CSMD1: variants seen among roughly 807,000 people sequenced by gnomAD.
The protein encoded by CSMD1 is CUB and sushi domain-containing protein 1.
A neutral mutation model predicts 417.5 loss-of-function variants in CSMD1; 213 were observed. The ratio of observed to expected loss-of-function variants is 0.51; its 90% CI spans 0.46 to 0.57. The LOEUF is 0.57. CSMD1 is among the 20% of genes least tolerant of loss of function. CSMD1 has a pLI of 0.00. For synonymous variants in CSMD1, 2,862 were observed against 1,736.8 expected (o/e 1.65, Z -16.11); for missense variants, 6,923 against 4,529.7 (o/e 1.53, Z -15.17).
chr8:3,862,388 T>C (rs945337206), intron 5 of CSMD1, among the ~76,000 whole-genome samples: 1 of 131,216 alleles, frequency 7.6e-6, no homozygotes, highest in African/African-American at 3.6e-5. Context: ...CCCTTTCATT[T>C]TCTCTTCCTG....
intron 2 of CSMD1, among the ~76,000 whole-genome samples, chr8:4,437,311 GA>G (rs969094987): frequency 1.7e-4 from 26 of 151,902 alleles, no homozygotes; most frequent in Admixed American, 2.6e-4. Flanking sequence ...TAGTTTGAGA[GA>G]AAAAAAATAA....
At chr8:4,168,885 A>G (rs941479845) in intron 3 of CSMD1, among the ~76,000 whole-genome samples, 4 of 152,122 alleles carry the variant, frequency 2.6e-5, no homozygotes, top group Non-Finnish European at 4.4e-5. Context: ...TGATGATATC[A>G]GGACTGCTTA....
At chr8:4,745,886 G>A (rs1810918728) in intron 1 of CSMD1, among the ~76,000 whole-genome samples, 1 of 152,170 alleles carries the variant, frequency 6.6e-6, no homozygotes, top group Admixed American at 6.5e-5. Flanking sequence ...GCTTGATCCA[G>A]GCTCAGCCAC....
intron 3 of CSMD1, among the ~76,000 whole-genome samples, chr8:4,379,548 A>G (rs1802968087): frequency 1.3e-5 from 2 of 152,178 alleles, no homozygotes; most frequent in South Asian, 4.1e-4. Context: ...TGTCTGTATT[A>G]TTTTTGCAAT....
rs553973481 is a variant in CSMD1, at chr8:4,968,007, C to A, written c.85+26325G>T. Among the ~76,000 whole-genome samples, 4 of 152,126 alleles carry A rather than the reference C, an allele frequency of 2.6e-5. No homozygotes were observed. In the South Asian group the frequency reaches 6.2e-4, roughly 24 times the overall value. On this transcript the variant is annotated intron_variant, in intron 1 of 69. Coordinates refer to ENST00000635120, the MANE Select transcript of CSMD1 (RefSeq NM_033225.6). ...CATGGTCAGAGATTCAAATTGGCAT[C>A]ATTTTATATAATTGAATCTGACAAA...
At chr8:3,971,423 T>G (rs551491663) in intron 5 of CSMD1, among the ~76,000 whole-genome samples, 2 of 152,306 alleles carry the variant, frequency 1.3e-5, no homozygotes, top group South Asian at 4.1e-4. Context: ...AATATATTTT[T>G]TGGCCCTCTC....
chr8:4,498,218 G>A (rs949243418), intron 2 of CSMD1, among the ~76,000 whole-genome samples: 5 of 152,174 alleles, frequency 3.3e-5, no homozygotes, highest in African/African-American at 1.2e-4. Flanking sequence ...GTTGAACGAT[G>A]ATTGTTGGCT....
At chr8:4,126,613 T>A (rs1802780089) in intron 3 of CSMD1, among the ~76,000 whole-genome samples, 1 of 152,198 alleles carries the variant, frequency 6.6e-6, no homozygotes, top group East Asian at 1.9e-4. Flanking sequence ...CAATTTATAC[T>A]GCACATGTCC....
intron 2 of CSMD1, among the ~76,000 whole-genome samples, chr8:4,595,616 G>T (rs945003094): frequency 6.6e-6 from 1 of 152,056 alleles, no homozygotes; most frequent in Admixed American, 6.6e-5. Context: ...AGTATAACCA[G>T]TGAAGCTGGG....
At chr8:4,647,490 G>A (rs1030985686) in intron 1 of CSMD1, among the ~76,000 whole-genome samples, 2 of 147,570 alleles carry the variant, frequency 1.4e-5, no homozygotes, top group African/African-American at 2.7e-5. Flanking sequence ...GTGCCATGGT[G>A]GTTTGTTACG....
At chr8:3,022,723 A>C (rs573785117) in intron 51 of CSMD1, among the ~76,000 whole-genome samples, 19 of 152,032 alleles carry the variant, frequency 1.2e-4, no homozygotes, top group African/African-American at 4.6e-4. Flanking sequence ...ACCTCCATGA[A>C]GAATAAACAG....
In CSMD1 at chr8:3,427,065, C is replaced by G. The variant is rs2897376; in HGVS notation, c.1562-17460G>C. 3.9e-5 allele frequency among the ~76,000 whole-genome samples: 6 copies of G among 152,186 alleles called. No homozygotes were observed. In the South Asian group the frequency reaches 1.2e-3, roughly 32 times the overall value. On this transcript the variant is annotated intron_variant, in intron 12 of 69. Transcript: ENST00000635120. ...TCTCATGAGAACTCACTCACTATCA[C>G]GACAGCAGCATAGTGGAAACCATCC... is the stretch of plus-strand genomic sequence containing the variant.
At chr8:4,478,392 G>C (rs982814615) in intron 2 of CSMD1, among the ~76,000 whole-genome samples, 1 of 152,078 alleles carries the variant, frequency 6.6e-6, no homozygotes, top group Non-Finnish European at 1.5e-5. Context: ...CAAGTCCAAA[G>C]TATTGAAATA....
chr8:4,925,419 C>T (rs954277752), intron 1 of CSMD1, among the ~76,000 whole-genome samples: 2 of 151,856 alleles, frequency 1.3e-5, no homozygotes, highest in African/African-American at 2.4e-5. Flanking sequence ...CTAAAATATA[C>T]CTTTCCTACA....
At chr8:4,648,658 C>T (rs1803689206) in intron 1 of CSMD1, among the ~76,000 whole-genome samples, 3 of 152,184 alleles carry the variant, frequency 2.0e-5, no homozygotes, top group Admixed American at 6.5e-5. Flanking sequence ...ATTTCACAGA[C>T]AACCATGTTT....
intron 5 of CSMD1, among the ~76,000 whole-genome samples, chr8:3,996,090 C>T (rs2130324148): frequency 6.6e-6 from 1 of 152,342 alleles, no homozygotes. Flanking sequence ...TCATCACACT[C>T]ATGATCTGTA....
chr8:4,596,028 G>A (rs1800256934), intron 2 of CSMD1, among the ~76,000 whole-genome samples: 1 of 152,066 alleles, frequency 6.6e-6, no homozygotes, highest in Non-Finnish European at 1.5e-5. Context: ...AACACTCCCT[G>A]TTTGCCACAC....
At chr8:4,203,138 A>G (rs2131262020) in intron 3 of CSMD1, among the ~76,000 whole-genome samples, 1 of 152,260 alleles carries the variant, frequency 6.6e-6, no homozygotes, top group East Asian at 1.9e-4. Flanking sequence ...AAAAGCTGAA[A>G]ACCTTTTCTG....
intron 3 of CSMD1, among the ~76,000 whole-genome samples, chr8:4,166,049 A>G (rs1797438417): frequency 6.6e-6 from 1 of 152,196 alleles, no homozygotes; most frequent in South Asian, 2.1e-4. Flanking sequence ...ACATGCTCAC[A>G]CTTTAATAAG....
Sources: allele counts gnomAD v4.1 joint callset (sites outside exome capture counted in the v4.1 genomes callset), GRCh38; gene constraint gnomAD v4.1.1; transcripts MANE v1.5; gene names NCBI Gene and HGNC (gene_info 2026-07-23, HGNC 2026-07-21).